Variants in GABRB2 observed in about 807,000 individuals in gnomAD.
GABRB2 encodes gamma-aminobutyric acid receptor subunit beta-2.
Under a neutral mutation model 54.7 loss-of-function variants are expected in GABRB2, and 16 were observed. The observed-to-expected ratio is 0.29, with a 90% CI of 0.20 to 0.44. The LOEUF is 0.44. GABRB2 is among the 20% of genes least tolerant of loss of function. GABRB2 has a pLI of 1.00. For missense variants in GABRB2, 355 were observed against 644.0 expected (o/e 0.55, Z 4.86); for synonymous variants, 244 against 233.8 (o/e 1.04, Z -0.40).
At chr5:161,302,145 G>A (rs748269618) in intron 9 of GABRB2, among the ~76,000 whole-genome samples, 5 of 152,064 alleles carry the variant, frequency 3.3e-5, no homozygotes, top group African/African-American at 7.2e-5. Flanking sequence ...ACTTCACTGC[G>A]GACTTGAATT....
Position 161,364,961 on chromosome 5 carries a change from C to G in GABRB2, c.542-28192G>C, listed in dbSNP as rs538051457. 1.2e-4 allele frequency among the ~76,000 whole-genome samples: 18 copies of G among 152,272 alleles called. No homozygotes were observed. In the South Asian group the frequency reaches 3.7e-3, roughly 32 times the overall value. On this transcript the variant is annotated intron_variant, in intron 5 of 9. Transcript: ENST00000393959. ...TTATAAAATATTTCTCCCACCAAAT[C>G]TCACTCCCATGAATTTTCCTGTGGT...
intron 5 of GABRB2, among the ~76,000 whole-genome samples, chr5:161,337,598 T>G (rs1368656354): frequency 6.6e-6 from 1 of 152,132 alleles, no homozygotes; most frequent in Non-Finnish European, 1.5e-5. Context: ...ATATTCTCTG[T>G]TATTAATGAT....
At chr5:161,435,354 A>T (rs1757278545) in intron 4 of GABRB2, among the ~76,000 whole-genome samples, 1 of 152,180 alleles carries the variant, frequency 6.6e-6, no homozygotes, top group Non-Finnish European at 1.5e-5. Flanking sequence ...ATAAATATTC[A>T]CCACATAATA....
intron 3 of GABRB2, among the ~76,000 whole-genome samples, chr5:161,491,605 G>A (rs1481287149): frequency 6.6e-6 from 1 of 151,506 alleles, no homozygotes. Context: ...ATTCATTTGG[G>A]GAGGTGTTTG....
At chr5:161,345,000 C>T (rs893314335) in intron 5 of GABRB2, among the ~76,000 whole-genome samples, 4 of 151,900 alleles carry the variant, frequency 2.6e-5, no homozygotes. Context: ...ACAGTGAGAA[C>T]ACATGGACAC....
chr5:161,506,921 T>C (rs1328310664), intron 3 of GABRB2, among the ~76,000 whole-genome samples: 1 of 152,164 alleles, frequency 6.6e-6, no homozygotes, highest in Non-Finnish European at 1.5e-5. Context: ...AATCCCTACA[T>C]AGAAATTAAT....
At chr5:161,421,556 C>T (rs145769041) in intron 4 of GABRB2, among the ~76,000 whole-genome samples, 23 of 152,302 alleles carry the variant, frequency 1.5e-4, no homozygotes, top group African/African-American at 5.5e-4. Context: ...AACATGCCCC[C>T]ACACATATTT....
At chr5:161,299,549 A>G (rs538477807) in intron 9 of GABRB2, among the ~76,000 whole-genome samples, 2 of 152,258 alleles carry the variant, frequency 1.3e-5, no homozygotes, top group African/African-American at 4.8e-5. Flanking sequence ...CCTTGTGTCT[A>G]TATCTGGACA....
chr5:161,502,611 G>C (rs916534398), intron 3 of GABRB2, among the ~76,000 whole-genome samples: 1 of 152,148 alleles, frequency 6.6e-6, no homozygotes, highest in Non-Finnish European at 1.5e-5. Flanking sequence ...ACAGCCCAGG[G>C]CTGTGATCTT....
intron 9 of GABRB2, among the ~76,000 whole-genome samples, chr5:161,298,724 T>C (rs1431153948): frequency 1.3e-5 from 2 of 152,220 alleles, no homozygotes; most frequent in African/African-American, 2.4e-5. Context: ...TTATTTTCCA[T>C]AGTGCTACTT....
At chr5:161,438,621 T>C (rs1048355421) in intron 4 of GABRB2, among the ~76,000 whole-genome samples, 13 of 152,006 alleles carry the variant, frequency 8.6e-5, no homozygotes, top group Admixed American at 7.9e-4. Flanking sequence ...TCAAAATAGC[T>C]GTGTTGAGGA....
At chr5:161,428,271 A>G (rs1377169479) in intron 4 of GABRB2, among the ~76,000 whole-genome samples, 1 of 149,190 alleles carries the variant, frequency 6.7e-6, no homozygotes, top group African/African-American at 2.5e-5. Context: ...TAACATATCT[A>G]TCATCTCAGA....
upstream of GABRB2, chr5:161,548,297 A>G (rs1761052276): frequency 6.6e-6 from 1 of 152,300 alleles, no homozygotes; most frequent in Non-Finnish European, 1.5e-5. Flanking sequence ...GAAAGAGAGG[A>G]GCCACGGGCG....
At chr5:161,534,028 A>G (rs958845943) in intron 3 of GABRB2, among the ~76,000 whole-genome samples, 12 of 152,296 alleles carry the variant, frequency 7.9e-5, no homozygotes, top group Admixed American at 1.3e-4. Context: ...TGTTTTTCCC[A>G]CAATGTGCTA....
intron 3 of GABRB2, among the ~76,000 whole-genome samples, chr5:161,488,407 G>A (rs192082052): frequency 2.0e-5 from 3 of 151,330 alleles, no homozygotes; most frequent in Admixed American, 6.6e-5. Context: ...CTCTCACTGT[G>A]GTCTTTAGTC....
intron 4 of GABRB2, among the ~76,000 whole-genome samples, chr5:161,457,570 C>T (rs1000782297): frequency 8.6e-5 from 13 of 151,470 alleles, no homozygotes; most frequent in Non-Finnish European, 1.3e-4. Flanking sequence ...CTCAGCCTCC[C>T]GAGTAGCTGG....
intron 9 of GABRB2, among the ~76,000 whole-genome samples, chr5:161,324,734 T>C (rs1758313875): frequency 6.6e-6 from 1 of 152,124 alleles, no homozygotes; most frequent in Non-Finnish European, 1.5e-5. Flanking sequence ...CCTTATTTCA[T>C]AGTGTGAACT....
intron 5 of GABRB2, among the ~76,000 whole-genome samples, chr5:161,352,753 T>A (rs1234619831): frequency 6.6e-6 from 1 of 152,070 alleles, no homozygotes; most frequent in Admixed American, 6.6e-5. Flanking sequence ...TTAATTAGAT[T>A]GAGCTTGTCT....
intron 3 of GABRB2, among the ~76,000 whole-genome samples, chr5:161,519,589 T>A (rs1186396312): frequency 1.3e-5 from 2 of 152,156 alleles, no homozygotes; most frequent in Non-Finnish European, 2.9e-5. Context: ...AAGAACCTTG[T>A]TACTTGTAAA....
Sources: allele counts gnomAD v4.1 joint callset (sites outside exome capture counted in the v4.1 genomes callset), GRCh38; gene constraint gnomAD v4.1.1; transcripts MANE v1.5; gene names NCBI Gene and HGNC (gene_info 2026-07-23, HGNC 2026-07-21).